Variants in CHKA observed in about 807,000 individuals in gnomAD.
CHKA encodes CHETK-alpha.
A neutral mutation model predicts 60.1 loss-of-function variants in CHKA; 34 were observed. The observed-to-expected ratio is 0.57, with a 90% confidence interval of 0.43 to 0.75. The LOEUF is 0.75. Among genes scored for constraint, CHKA ranks in the 30% least tolerant of loss-of-function variants. The pLI, the probability that CHKA is intolerant of heterozygous loss-of-function variation, is 0.00. For synonymous variants in CHKA, 217 were observed against 223.1 expected (o/e 0.97, Z 0.24); for missense variants, 563 against 561.3 (o/e 1.00, Z -0.03).
intron 11 of CHKA, among the ~76,000 whole-genome samples, chr11:68,054,479 T>C (rs975238096): frequency 2.0e-5 from 3 of 152,146 alleles, no homozygotes; most frequent in African/African-American, 7.2e-5. Flanking sequence ...CCATCGCCTA[T>C]TTCCCGGGAT....
At chr11:68,055,202 G>A (rs1270110370) in intron 11 of CHKA, among the ~76,000 whole-genome samples, 1 of 152,208 alleles carries the variant, frequency 6.6e-6, no homozygotes, top group Non-Finnish European at 1.5e-5. Context: ...AGACCAGACT[G>A]GTCAACACGG....
At chr11:68,083,979 C>T (rs894313920) in intron 2 of CHKA, among the ~76,000 whole-genome samples, 4 of 151,882 alleles carry the variant, frequency 2.6e-5, no homozygotes, top group African/African-American at 9.7e-5. Context: ...CGGGGGTGGC[C>T]CATGCCTGTA....
intron 1 of CHKA, among the ~76,000 whole-genome samples, chr11:68,109,927 G>T (rs968692254): frequency 3.9e-5 from 6 of 152,108 alleles, no homozygotes; most frequent in Admixed American, 3.9e-4. Flanking sequence ...ACTCCAGTGT[G>T]GGTGACAGAG....
Position 68,100,632 on chromosome 11 carries a change from A to AATAAATAC in CHKA, c.351-3503_351-3502insGTATTTAT, listed in dbSNP as rs1243796820. On this transcript the variant is annotated intron_variant, in intron 1 of 11. Transcript: ENST00000265689. ...AAATAAATAAATAAATAAATAAATA[A>AATAAATAC]ATACAAGAGCGAAACATCATCTCCA... Among the ~76,000 whole-genome samples, 4 of 150,880 alleles carry AATAAATAC rather than the reference A, an allele frequency of 2.7e-5. No homozygotes were observed. In the South Asian group the frequency reaches 6.2e-4, roughly 24 times the overall value.
At chr11:68,094,370 T>C (rs1050769239) in intron 2 of CHKA, among the ~76,000 whole-genome samples, 2 of 152,098 alleles carry the variant, frequency 1.3e-5, no homozygotes, top group Non-Finnish European at 2.9e-5. Context: ...GGTGAAACCC[T>C]GCCTCTACAA....
chr11:68,056,479 T>C (rs1320789662), intron 11 of CHKA, among the ~76,000 whole-genome samples: 4 of 152,200 alleles, frequency 2.6e-5, no homozygotes, highest in African/African-American at 9.7e-5. Context: ...AGATCACACC[T>C]TTTTTGTCCA....
chr11:68,112,077 A>AAAAAAC, intron 1 of CHKA, among the ~76,000 whole-genome samples: 1 of 113,298 alleles, frequency 8.8e-6, no homozygotes, highest in Non-Finnish European at 1.8e-5. Flanking sequence ...AAAAAAAAAA[A>AAAAAAC]AGTCCTGGAA....
chr11:68,053,915 AGCACAGAGGGGACCCC>A lies in CHKA; in HGVS notation c.*57_*72del. 2 of 1,324,768 alleles carry A rather than the reference AGCACAGAGGGGACCCC, an allele frequency of 1.5e-6. No homozygotes were observed. The highest frequency in any genetic ancestry group is 2.2e-6 in the Non-Finnish European group (2 of 926,834). The allele number at this position is 1,324,768 out of a possible 1,614,324, so 82.1% of individuals were successfully genotyped here. A position where few individuals can be genotyped will look rare whatever the true frequency, so the allele number is the denominator to read the frequency against. ...CTCCTGCCACAGGAGCAGTAGTCGA[AGCACAGAGGGGACCCC>A]GCTCTGCTGCCTCCCCATGCAGTCC... On this transcript the variant is annotated 3_prime_UTR_variant, in exon 12 of 12. Transcript: ENST00000265689.
Position 68,120,823 on chromosome 11 carries a change from C to T in CHKA, c.350+5G>A. On this transcript the variant is annotated splice_donor_5th_base_variant and intron_variant, in intron 1 of 11. Coordinates refer to ENST00000265689, the MANE Select transcript of CHKA (RefSeq NM_001277.3). ...CCCGCGGCCCCCAGACCCGGCGCCA[C>T]CGACCTGATGACACTGATGTGGAAC... 7.9e-7 allele frequency: 1 copy of T among 1,261,350 alleles called. No homozygotes were observed. Among genetic ancestry groups the T allele is most frequent in the Non-Finnish European group, 1.0e-6 (1 of 989,576 alleles). 78.1% of individuals were successfully genotyped at this position (1,261,350 alleles called of 1,614,324 possible). A position where few individuals can be genotyped will look rare whatever the true frequency, so the allele number is the denominator to read the frequency against.
chr11:68,063,602 A>G (rs1856330327), intron 10 of CHKA, among the ~76,000 whole-genome samples: 1 of 152,058 alleles, frequency 6.6e-6, no homozygotes, highest in Admixed American at 6.6e-5. Flanking sequence ...CCCTTCTTGG[A>G]CATGGGAACT....
chr11:68,106,877 T>C (rs563084657), intron 1 of CHKA, among the ~76,000 whole-genome samples: 1 of 152,198 alleles, frequency 6.6e-6, no homozygotes, highest in Non-Finnish European at 1.5e-5. Flanking sequence ...AAAGCTGCCC[T>C]GTGTACTGCA....
chr11:68,112,773 A>T (rs957502248), intron 1 of CHKA, among the ~76,000 whole-genome samples: 9 of 152,142 alleles, frequency 5.9e-5, no homozygotes, highest in Admixed American at 6.6e-5. Context: ...ATAGGAAAAC[A>T]CTTTCCCACT....
At position 68,074,825 on chromosome 11, in the gene CHKA, A is replaced by G. The variant is rs778508639; in HGVS notation, c.522T>C (p.Ala174=). ...QAQKENEFQG[A]EAMVLESVMF... Reference sequence around the variant, plus strand: ...TAACGCTCTCCAGAACCATGGCCTCAGCCCCCTAAAACAGATGGCAACAAA... The same window carrying G: ...TAACGCTCTCCAGAACCATGGCCTCGGCCCCCTAAAACAGATGGCAACAAA... The change falls in exon 4 of 12, where the codon GCT becomes GCC. Residue 174 remains alanine (A), a synonymous_variant. Coordinates refer to ENST00000265689, the MANE Select transcript of CHKA (RefSeq NM_001277.3). 1 of 1,614,178 alleles carries G rather than the reference A, an allele frequency of 6.2e-7. No individual in the cohort carries two copies. The highest frequency in any genetic ancestry group is 1.7e-5 in the Admixed American group (1 of 60,028).
chr11:68,084,339 T>C (rs528443942), intron 2 of CHKA, among the ~76,000 whole-genome samples: 10 of 136,480 alleles, frequency 7.3e-5, no homozygotes, highest in East Asian at 6.3e-4. Context: ...CATATACGTA[T>C]ATATATGTGT....
intron 11 of CHKA, among the ~76,000 whole-genome samples, chr11:68,056,190 A>AT (rs1487655221): frequency 2.0e-5 from 3 of 152,154 alleles, no homozygotes; most frequent in African/African-American, 7.2e-5. Context: ...TTTCTCCATG[A>AT]TATCGTTCAG....
chr11:68,115,809 G>A (rs1482177306), intron 1 of CHKA, among the ~76,000 whole-genome samples: 1 of 152,130 alleles, frequency 6.6e-6, no homozygotes, highest in Non-Finnish European at 1.5e-5. Flanking sequence ...AAATAAAATT[G>A]TATCTTGAAA....
intron 4 of CHKA, among the ~76,000 whole-genome samples, chr11:68,073,655 C>G (rs907924708): frequency 2.0e-5 from 3 of 152,166 alleles, no homozygotes; most frequent in African/African-American, 4.8e-5. Context: ...TCTGGGGAGA[C>G]AGAGCACAAC....
At chr11:68,058,255 C>G (rs565095985) in intron 11 of CHKA, among the ~76,000 whole-genome samples, 31 of 152,170 alleles carry the variant, frequency 2.0e-4, no homozygotes, top group Middle Eastern at 3.2e-3. Flanking sequence ...AGTCTTATAA[C>G]CAGGTAGTAG....
At chr11:68,062,213 A>G (rs1434645337) in intron 10 of CHKA, among the ~76,000 whole-genome samples, 179 bp from the exon 11 acceptor site, 1 of 152,212 alleles carries the variant, frequency 6.6e-6, no homozygotes, top group African/African-American at 2.4e-5. Context: ...TACCACTCCC[A>G]CACCCTTCCC....
Sources: allele counts gnomAD v4.1 joint callset (sites outside exome capture counted in the v4.1 genomes callset), GRCh38; gene constraint gnomAD v4.1.1; transcripts MANE v1.5; gene names NCBI Gene and HGNC (gene_info 2026-07-23, HGNC 2026-07-21).